The following ST3GAL6 variants were observed in gnomAD, a reference collection of about 807,000 sequenced individuals.
ST3GAL6 encodes type 2 lactosamine alpha-2,3-sialyltransferase.
ST3GAL6 carries 31 observed loss-of-function variants against 40.5 expected under a neutral mutation model. That is an observed-to-expected ratio of 0.77 (90% CI 0.58 to 1.03). The LOEUF is 1.03. ST3GAL6 is among the 50% of genes least tolerant of loss of function. The pLI, the probability that ST3GAL6 is intolerant of heterozygous loss-of-function variation, is 0.00. For synonymous variants in ST3GAL6, 129 were observed against 136.9 expected, an observed-to-expected ratio of 0.94 and a Z score of 0.40; for missense variants, 357 against 393.2, an observed-to-expected ratio of 0.91 and a Z score of 0.78.
intron 1 of ST3GAL6, among the ~76,000 whole-genome samples, chr3:98,736,873 C>T (rs1041516664): frequency 2.6e-5 from 4 of 152,062 alleles, no homozygotes; most frequent in Admixed American, 2.6e-4. Flanking sequence ...GTGGTTAAGA[C>T]AATATGTAGT....
chr3:98,779,496 A>C (rs1939869630), intron 5 of ST3GAL6, among the ~76,000 whole-genome samples: 1 of 152,220 alleles, frequency 6.6e-6, no homozygotes, highest in African/African-American at 2.4e-5. Flanking sequence ...TATTGAAGGG[A>C]AAATGCATGT....
upstream of ST3GAL6, among the ~76,000 whole-genome samples, chr3:98,758,578 C>T (rs891665334): frequency 1.2e-4 from 18 of 152,138 alleles, no homozygotes; most frequent in Admixed American, 9.8e-4. Context: ...TTTTGAATGC[C>T]TTTCACTTTA....
intron 5 of ST3GAL6, chr3:98,783,482 C>A: frequency 2.3e-6 from 2 of 860,344 alleles, no homozygotes; most frequent in Non-Finnish European, 2.8e-6. Flanking sequence ...TTCTTCTCTG[C>A]TGCAAATGGA....
At chr3:98,788,683 C>T (rs565059308) in intron 8 of ST3GAL6, among the ~76,000 whole-genome samples, 1 of 152,204 alleles carries the variant, frequency 6.6e-6, no homozygotes, top group East Asian at 1.9e-4. Flanking sequence ...TTTTCCTGCC[C>T]TTGTAGGGCC....
rs115541070 is a variant in ST3GAL6, at chr3:98,781,553, T to C, written c.336-3392T>C. 2.7e-3 allele frequency among the ~76,000 whole-genome samples: 412 copies of C among 152,176 alleles called. 2 individuals carry two copies. The highest frequency in any genetic ancestry group is 9.3e-3 in the African/African-American group (387 of 41,518). ...ATATTTGGCTTGTTGTTCAGGAGTC[T>C]TTTGTAGAGGACAGGGGCTCTGGTG... On this transcript the variant is annotated intron_variant, in intron 5 of 9. Transcript: ENST00000483910.
chr3:98,761,432 A>T (rs1300950868), upstream of ST3GAL6, among the ~76,000 whole-genome samples: 13 of 152,142 alleles, frequency 8.5e-5, no homozygotes, highest in Admixed American at 6.5e-4. Flanking sequence ...ACATGGCAAA[A>T]CCCCATCTCT....
At chr3:98,758,779 G>A (rs1559732399), upstream of ST3GAL6, among the ~76,000 whole-genome samples, 1 of 152,200 alleles carries the variant, frequency 6.6e-6, no homozygotes, top group Non-Finnish European at 1.5e-5. Flanking sequence ...TGGTGCATGG[G>A]AAGCTGATAC....
chr3:98,788,199 G>A lies in ST3GAL6; in HGVS notation c.595G>A (p.Glu199Lys), dbSNP rs143899769. The A allele has an allele frequency of 1.9e-5, 30 of 1,611,124 alleles. No individual in the cohort carries two copies. The highest frequency in any genetic ancestry group is 2.5e-5 in the Non-Finnish European group (29 of 1,178,516). The change falls in exon 7 of 10, where the codon GAA (glutamate) becomes AAA (lysine). Residue 199 changes from glutamate to lysine, a missense_variant. By Grantham distance (56) the Glu-to-Lys change is moderately conservative. Coordinates refer to ENST00000483910, the MANE Select transcript of ST3GAL6 (RefSeq NM_001323368.2). ...FKPHDLRWLL[E>K]LLMGDKINTN... Reference sequence around the variant, plus strand: ...GCCACATGATTTAAGGTGGCTGTTGGAATTGTTGATGGGTGACAAAATAGT... The same window carrying A: ...GCCACATGATTTAAGGTGGCTGTTGAAATTGTTGATGGGTGACAAAATAGT...
chr3:98,736,042 C>T (rs1198964059), intron 1 of ST3GAL6, among the ~76,000 whole-genome samples: 1 of 152,156 alleles, frequency 6.6e-6, no homozygotes, highest in Non-Finnish European at 1.5e-5. Flanking sequence ...ATCAGTAAGA[C>T]CTGGTTTTCT....
chr3:98,754,562 G>A (rs1187653253), intron 1 of ST3GAL6, among the ~76,000 whole-genome samples: 2 of 152,170 alleles, frequency 1.3e-5, no homozygotes, highest in Non-Finnish European at 2.9e-5. Flanking sequence ...ACAGTGGCAG[G>A]GTTCGAGAGG....
chr3:98,768,112 A>C (rs1437689072), intron 1 of ST3GAL6, among the ~76,000 whole-genome samples: 1 of 152,174 alleles, frequency 6.6e-6, no homozygotes, highest in African/African-American at 2.4e-5. Context: ...TAGATGTGTA[A>C]AATTTTATTC....
chr3:98,746,809 A>T (rs1205086728), intron 1 of ST3GAL6, among the ~76,000 whole-genome samples: 1 of 152,196 alleles, frequency 6.6e-6, no homozygotes, highest in East Asian at 1.9e-4. Flanking sequence ...ATATAATCAC[A>T]TCAGGATAAT....
chr3:98,752,473 A>AT (rs1184048428), intron 1 of ST3GAL6, among the ~76,000 whole-genome samples: 2 of 150,150 alleles, frequency 1.3e-5, no homozygotes, highest in African/African-American at 4.9e-5. Context: ...AATTTTATTT[A>AT]TTTATTTTAT....
At chr3:98,782,375 C>G in intron 5 of ST3GAL6, 1 of 683,164 alleles carries the variant, frequency 1.5e-6, no homozygotes, top group Admixed American at 2.2e-5. Context: ...CAATATGATG[C>G]CCTTGGAAGC....
At chr3:98,783,064 A>G (rs1182952778) in intron 5 of ST3GAL6, 5 of 211,376 alleles carry the variant, frequency 2.4e-5, no homozygotes, top group African/African-American at 1.2e-4. Context: ...GTGTGCACTG[A>G]TTGTGACACT....
intron 5 of ST3GAL6, chr3:98,782,209 A>G (rs553357252): frequency 1.4e-6 from 1 of 695,744 alleles, no homozygotes; most frequent in East Asian, 2.7e-5. Context: ...TTATTTAGAA[A>G]CAGAGAGCCC....
intron 1 of ST3GAL6, among the ~76,000 whole-genome samples, chr3:98,743,178 TTG>T (rs561008776): frequency 1.3e-5 from 2 of 151,294 alleles, no homozygotes. Context: ...TGGCTCATTT[TTG>T]TGTGTGTGTG....
intron 1 of ST3GAL6, among the ~76,000 whole-genome samples, chr3:98,751,783 A>T (rs1008687055): frequency 6.6e-6 from 1 of 152,226 alleles, no homozygotes; most frequent in African/African-American, 2.4e-5. Flanking sequence ...CTTATGAACA[A>T]TAAGTGAGGA....
intron 8 of ST3GAL6, among the ~76,000 whole-genome samples, chr3:98,791,349 T>C (rs1254940984): frequency 6.6e-6 from 1 of 152,172 alleles, no homozygotes; most frequent in Non-Finnish European, 1.5e-5. Context: ...TTCCCTAGAG[T>C]TAGTTTAAAT....
Sources: allele counts gnomAD v4.1 joint callset (sites outside exome capture counted in the v4.1 genomes callset), GRCh38; gene constraint gnomAD v4.1.1; transcripts MANE v1.5; gene names NCBI Gene and HGNC (gene_info 2026-07-23, HGNC 2026-07-21).